PACRG: variants seen among roughly 807,000 people sequenced by gnomAD.
PACRG encodes parkin coregulated gene protein.
Under a neutral mutation model 29.7 loss-of-function variants are expected in PACRG, and 29 were observed. The observed-to-expected ratio is 0.98, with a 90% CI of 0.73 to 1.33. PACRG has a LOEUF of 1.33. PACRG is among the 40% of genes most tolerant of loss of function. PACRG has a pLI of 0.00. For missense variants in PACRG, 279 were observed against 316.2 expected, an observed-to-expected ratio of 0.88 and a Z score of 0.89; for synonymous variants, 116 against 118.7, an observed-to-expected ratio of 0.98 and a Z score of 0.15.
At chr6:163,166,037 C>T (rs577854654) in intron 4 of PACRG, 343 of 452,166 alleles carry the variant, frequency 7.6e-4, no homozygotes, top group Non-Finnish European at 1.1e-3. Context: ...GCCCCGATTT[C>T]ATCTAAATCC....
intron 2 of PACRG, among the ~76,000 whole-genome samples, chr6:162,947,619 T>TATATAATC (rs539689741): frequency 0.055 from 2,580 of 46,602 alleles, 58 homozygotes; most frequent in Non-Finnish European, 0.078. Context: ...ATCATATATA[T>TATATAATC]ATATATATAT....
chr6:163,285,002 C>T (rs1487129482), intron 4 of PACRG, among the ~76,000 whole-genome samples: 3 of 152,186 alleles, frequency 2.0e-5, no homozygotes, highest in Admixed American at 2.0e-4. Context: ...TTGACCTTCA[C>T]ACCCATCAAA....
intron 4 of PACRG, among the ~76,000 whole-genome samples, chr6:163,181,546 C>T (rs1038812295): frequency 1.4e-5 from 2 of 139,452 alleles, no homozygotes; most frequent in African/African-American, 5.3e-5. Flanking sequence ...AGAGGATTTG[C>T]CCCTGGAAAT....
At chr6:162,991,669 A>G (rs1803439072) in intron 2 of PACRG, among the ~76,000 whole-genome samples, 1 of 67,848 alleles carries the variant, frequency 1.5e-5, no homozygotes, top group Admixed American at 1.6e-4. Context: ...TAGATAAACA[A>G]TCATGTCGTC....
chr6:162,889,049 T>G (rs1434733803), intron 2 of PACRG, among the ~76,000 whole-genome samples: 1 of 152,136 alleles, frequency 6.6e-6, no homozygotes, highest in Non-Finnish European at 1.5e-5. Context: ...TGTCAAAAAA[T>G]GAGCATTATT....
chr6:162,797,639 TA>T (rs1785495213), intron 1 of PACRG, among the ~76,000 whole-genome samples: 1 of 152,206 alleles, frequency 6.6e-6, no homozygotes. Flanking sequence ...TAACCACATT[TA>T]AAAATATTTG....
chr6:163,137,093 A>C lies in PACRG; in HGVS notation c.613+47685A>C, dbSNP rs531329412. On this transcript the variant is annotated intron_variant, in intron 4 of 4. Coordinates refer to ENST00000366888, the MANE Select transcript of PACRG (RefSeq NM_001080379.2). The stretch of plus-strand genomic sequence containing the variant: ...ACAGAGATTTTGTGATAGCTTTGCA[A>C]CTAGCAGTATTTTTGAAACATGAAA... Among the ~76,000 whole-genome samples, 4 of 152,346 alleles carry C rather than the reference A, an allele frequency of 2.6e-5. No individual in the cohort carries two copies. The South Asian group carries it at 8.3e-4, about 32-fold the overall frequency.
chr6:163,270,024 GAGGA>G lies in PACRG; in HGVS notation c.614-44792_614-44789del, dbSNP rs1318271307. On this transcript the variant is annotated intron_variant, in intron 4 of 4. Transcript: ENST00000366888. ...GAAAGAAAGGAGGGAGGGAGGGAGG[GAGGA>G]AGGAAGGAAGAAGAGAGAGAGAGAA... 1.1e-4 allele frequency among the ~76,000 whole-genome samples: 10 copies of G among 92,182 alleles called. 1 individual carries two copies. The highest frequency in any genetic ancestry group is 4.1e-4 in the South Asian group (1 of 2,410). The allele number at this position is 92,182 out of a possible 152,430, so 60.5% of individuals were successfully genotyped here. A position where few individuals can be genotyped will look rare whatever the true frequency, so the allele number is the denominator to read the frequency against.
At chr6:162,939,142 A>G (rs1343379845) in intron 2 of PACRG, among the ~76,000 whole-genome samples, 2 of 152,206 alleles carry the variant, frequency 1.3e-5, no homozygotes, top group Non-Finnish European at 2.9e-5. Flanking sequence ...AAAAAAGCAA[A>G]CAAAAGCATA....
At chr6:162,753,303 T>A (rs1333310291) in intron 1 of PACRG, among the ~76,000 whole-genome samples, 1 of 143,256 alleles carries the variant, frequency 7.0e-6, no homozygotes, top group African/African-American at 2.5e-5. Flanking sequence ...TACTTCCTAC[T>A]TCTATGAGTT....
intron 1 of PACRG, among the ~76,000 whole-genome samples, chr6:162,750,673 A>G (rs775331292): frequency 6.6e-5 from 10 of 152,214 alleles, no homozygotes; most frequent in Admixed American, 2.0e-4. Context: ...AGTGTGTGAC[A>G]TTGGGTTTCA....
chr6:163,273,087 G>T (rs1022868793), intron 4 of PACRG, among the ~76,000 whole-genome samples: 2 of 147,184 alleles, frequency 1.4e-5, no homozygotes, highest in African/African-American at 5.4e-5. Context: ...TAGAGACGGG[G>T]TTTCACCGTT....
chr6:163,224,875 T>A (rs187310045), intron 4 of PACRG, among the ~76,000 whole-genome samples: 1 of 152,140 alleles, frequency 6.6e-6, no homozygotes, highest in East Asian at 1.9e-4. Context: ...AAAGCTTCTG[T>A]ACAGCAAAGG....
At chr6:162,875,558 C>T (rs1485594171) in intron 2 of PACRG, among the ~76,000 whole-genome samples, 1 of 152,220 alleles carries the variant, frequency 6.6e-6, no homozygotes, top group East Asian at 1.9e-4. Flanking sequence ...AAACTCTTAG[C>T]CAAAAGTGGC....
At chr6:162,781,270 T>C (rs1480414671) in intron 1 of PACRG, among the ~76,000 whole-genome samples, 1 of 152,022 alleles carries the variant, frequency 6.6e-6, no homozygotes, top group Non-Finnish European at 1.5e-5. Context: ...TAATTCTTTA[T>C]TCTGAAGAAA....
chr6:162,960,299 A>G (rs1283856666), intron 2 of PACRG, among the ~76,000 whole-genome samples: 3 of 152,232 alleles, frequency 2.0e-5, no homozygotes, highest in Non-Finnish European at 4.4e-5. Flanking sequence ...AAAAAGACAC[A>G]TGTACTCATC....
chr6:163,223,670 AG>A (rs1781673728), intron 4 of PACRG, among the ~76,000 whole-genome samples: 1 of 152,188 alleles, frequency 6.6e-6, no homozygotes, highest in African/African-American at 2.4e-5. Context: ...GGAACAGGAA[AG>A]AGAAAGTGGT....
chr6:163,140,328 C>T (rs551150020), intron 4 of PACRG, among the ~76,000 whole-genome samples: 4 of 152,210 alleles, frequency 2.6e-5, no homozygotes, highest in African/African-American at 4.8e-5. Context: ...AAAAGCAGTC[C>T]GTGGTGGCTG....
intron 1 of PACRG, among the ~76,000 whole-genome samples, chr6:162,789,381 T>TAG (rs1784760260): frequency 6.6e-6 from 1 of 152,172 alleles, no homozygotes; most frequent in Non-Finnish European, 1.5e-5. Flanking sequence ...TTTCTTTTAT[T>TAG]TAGTTTTTGT....
Sources: allele counts gnomAD v4.1 joint callset (sites outside exome capture counted in the v4.1 genomes callset), GRCh38; gene constraint gnomAD v4.1.1; transcripts MANE v1.5; gene names NCBI Gene and HGNC (gene_info 2026-07-23, HGNC 2026-07-21).